ACYP2: variants seen among roughly 807,000 people sequenced by gnomAD.
ACYP2 encodes acylphosphatase 2.
ACYP2 carries 12 observed loss-of-function variants against 11.2 expected under a neutral mutation model. The ratio of observed to expected loss-of-function variants is 1.08; its 90% CI spans 0.69 to 1.74. ACYP2 has a LOEUF of 1.74. Ranked by LOEUF, ACYP2 falls within the 40% of genes most tolerant of loss-of-function variation. The pLI is 0.00. For synonymous variants in ACYP2, 43 were observed against 32.2 expected (o/e 1.33, Z -1.13); for missense variants, 134 against 101.9 (o/e 1.31, Z -1.35).
At chr2:54,004,955 A>G (rs558842463) in intron 2 of ACYP2, among the ~76,000 whole-genome samples, 9 of 150,596 alleles carry the variant, frequency 6.0e-5, no homozygotes, top group Non-Finnish European at 1.2e-4. Flanking sequence ...TATATTTTTG[A>G]TAACAGTCTA....
At chr2:54,098,675 G>C (rs1678723879) in intron 4 of ACYP2, among the ~76,000 whole-genome samples, 1 of 150,704 alleles carries the variant, frequency 6.6e-6, no homozygotes, top group Non-Finnish European at 1.5e-5. Context: ...ACATAATTTG[G>C]TCACTAACCT....
At chr2:54,125,950 G>A (rs1338127136) in intron 4 of ACYP2, among the ~76,000 whole-genome samples, 1 of 149,030 alleles carries the variant, frequency 6.7e-6, no homozygotes. Context: ...GCATGGTGGT[G>A]CACGCCTATA....
chr2:54,285,774 CAT>C (rs1300536677), intron 6 of ACYP2, among the ~76,000 whole-genome samples: 1 of 152,148 alleles, frequency 6.6e-6, no homozygotes, highest in Non-Finnish European at 1.5e-5. Context: ...ATACTGCAAA[CAT>C]ATATAATCTT....
rs372712689 is a variant in ACYP2, at chr2:54,231,505, G to C, written c.405-73183G>C. 8.5e-5 allele frequency among the ~76,000 whole-genome samples: 13 copies of C among 152,334 alleles called. No individual in the cohort carries two copies. In the East Asian group the frequency reaches 1.2e-3, roughly 14 times the overall value. On this transcript the variant is annotated intron_variant, in intron 6 of 6. Coordinates refer to ENST00000607452, the MANE Select transcript of ACYP2 (RefSeq NM_001320586.2). ...AGCCTGAGATGAAGAATGAGCACGGGCTCAGGTTGGGACCTGGTAAAAGCA... is the reference window on the plus strand; with the variant it reads ...AGCCTGAGATGAAGAATGAGCACGGCCTCAGGTTGGGACCTGGTAAAAGCA...
chr2:53,975,559 T>C (rs1350965170), intron 2 of ACYP2, among the ~76,000 whole-genome samples: 2 of 152,054 alleles, frequency 1.3e-5, no homozygotes, highest in African/African-American at 4.8e-5. Context: ...GAGGCTGGGC[T>C]GGGTGGCTCA....
intron 6 of ACYP2, chr2:54,253,347 G>T (rs1687325964): frequency 1.3e-5 from 2 of 152,100 alleles, no homozygotes; most frequent in South Asian, 4.1e-4. Context: ...GTACAAAAAA[G>T]AAAGACTGAT....
chr2:54,100,114 T>G (rs1337492399), intron 4 of ACYP2, among the ~76,000 whole-genome samples: 1 of 151,680 alleles, frequency 6.6e-6, no homozygotes, highest in Admixed American at 6.5e-5. Flanking sequence ...CAATTTAGTC[T>G]TCTGTAGTTT....
intron 6 of ACYP2, among the ~76,000 whole-genome samples, chr2:54,160,176 A>G (rs945130754): frequency 3.3e-5 from 5 of 152,232 alleles, no homozygotes; most frequent in Non-Finnish European, 5.9e-5. Flanking sequence ...TTGAGCTGTC[A>G]TCAGTGTCAG....
chr2:54,014,452 T>C (rs1284184561), intron 2 of ACYP2, among the ~76,000 whole-genome samples: 1 of 152,024 alleles, frequency 6.6e-6, no homozygotes, highest in African/African-American at 2.4e-5. Flanking sequence ...CCCGAGTAGC[T>C]GAGATTACAG....
At chr2:54,162,568 G>C (rs1000355054) in intron 6 of ACYP2, among the ~76,000 whole-genome samples, 1 of 152,076 alleles carries the variant, frequency 6.6e-6, no homozygotes, top group East Asian at 1.9e-4. Context: ...CACCCTAGAC[G>C]TACTGAATCA....
At chr2:54,216,563 A>G (rs1371692739) in intron 6 of ACYP2, among the ~76,000 whole-genome samples, 4 of 149,070 alleles carry the variant, frequency 2.7e-5, no homozygotes, top group African/African-American at 5.0e-5. Flanking sequence ...TTTGAGACAG[A>G]GTATCGCTAT....
chr2:54,166,835 A>G (rs1278502557), intron 6 of ACYP2: 1 of 152,150 alleles, frequency 6.6e-6, no homozygotes, highest in African/African-American at 2.4e-5. Context: ...TTCGCTGGCA[A>G]TGCTCATCTC....
At chr2:54,229,048 T>C (rs1686123865) in intron 6 of ACYP2, among the ~76,000 whole-genome samples, 2 of 152,164 alleles carry the variant, frequency 1.3e-5, no homozygotes, top group Non-Finnish European at 2.9e-5. Flanking sequence ...TCAGGGTTAA[T>C]GTAATAGATT....
chr2:54,046,145 G>C (rs1675508229), intron 2 of ACYP2, among the ~76,000 whole-genome samples: 1 of 138,172 alleles, frequency 7.2e-6, no homozygotes, highest in South Asian at 2.4e-4. Context: ...ACTCTAGCTT[G>C]GGTGACAAAG....
At chr2:54,005,010 G>C (rs897844675) in intron 2 of ACYP2, among the ~76,000 whole-genome samples, 1 of 151,682 alleles carries the variant, frequency 6.6e-6, no homozygotes, top group African/African-American at 2.4e-5. Context: ...TTTCTCCAGT[G>C]TGTGGCTTGT....
chr2:54,002,350 C>T (rs1036352829), intron 2 of ACYP2, among the ~76,000 whole-genome samples: 17 of 144,794 alleles, frequency 1.2e-4, no homozygotes, highest in African/African-American at 4.1e-4. Context: ...TCATTTCTTT[C>T]TTTTTTTTTT....
intron 6 of ACYP2, chr2:54,141,918 G>A (rs1226915772): frequency 3.3e-6 from 2 of 615,270 alleles, no homozygotes; most frequent in East Asian, 5.6e-5. Flanking sequence ...ACTCACTGCA[G>A]CCTTGACCTT....
At chr2:53,973,566 G>T (rs995648210) in intron 1 of ACYP2, 9 of 196,724 alleles carry the variant, frequency 4.6e-5, no homozygotes, top group South Asian at 1.9e-4. Flanking sequence ...CCTTAAGAAG[G>T]TTCTTTGTAT....
At chr2:53,975,287 A>G in intron 2 of ACYP2, 1 of 398,436 alleles carries the variant, frequency 2.5e-6, no homozygotes, top group East Asian at 3.6e-5. Flanking sequence ...AGAAACAAAC[A>G]TCTGAACTGG....
Sources: gnomAD v4.1 joint callset for allele counts (sites outside exome capture counted in the v4.1 genomes callset) on GRCh38, gnomAD v4.1.1 for gene constraint, MANE v1.5 for transcripts, NCBI Gene and HGNC (gene_info 2026-07-23, HGNC 2026-07-21) for gene names.